Variants in CDCA8 observed in about 807,000 individuals in gnomAD.
The protein encoded by CDCA8 is cell division cycle associated 8.
In CDCA8, 25 loss-of-function variants were observed where a neutral mutation model predicts 40.0. That is an observed-to-expected ratio of 0.63 (90% confidence interval 0.46 to 0.87). The LOEUF (loss-of-function observed/expected upper bound fraction) is 0.87, where lower values mean the gene tolerates loss of function less well. Ranked by LOEUF, CDCA8 falls within the 40% of genes least tolerant of loss-of-function variation. The pLI, the probability that CDCA8 is intolerant of heterozygous loss-of-function variation, is 0.00. For missense variants in CDCA8, 280 were observed against 348.4 expected (o/e 0.80, Z 1.56); for synonymous variants, 111 against 126.5 (o/e 0.88, Z 0.82).
intron 2 of CDCA8, 133 bp downstream of exon 2, chr1:37,693,166 C>T (rs781652127): frequency 2.1e-6 from 1 of 471,304 alleles, no homozygotes; most frequent in Non-Finnish European, 3.4e-6. Context: ...AATTGCAGAC[C>T]CTTTCACTCT....
At position 37,703,547 on chromosome 1, in the gene CDCA8, G is replaced by A. The variant is rs114737630; in HGVS notation, c.584+200G>A. On this transcript the variant is annotated intron_variant, in intron 7 of 9. Coordinates refer to ENST00000373055, the MANE Select transcript of CDCA8 (RefSeq NM_001256875.2). The stretch of plus-strand genomic sequence containing the variant: ...CCTGGCCAAGATGATGAAACGCTGC[G>A]TCTACTAAAAATACAAAAATTAGTT... 5.9e-3 allele frequency among the ~76,000 whole-genome samples: 903 copies of A among 152,148 alleles called. 6 individuals carry two copies. The highest frequency in any genetic ancestry group is 0.02 in the African/African-American group (840 of 41,522).
chr1:37,704,325 C>T (rs1021296860), intron 7 of CDCA8, among the ~76,000 whole-genome samples: 3 of 152,114 alleles, frequency 2.0e-5, no homozygotes, highest in Non-Finnish European at 2.9e-5. Flanking sequence ...CTGGCATAAG[C>T]GAGGATATTC....
intron 5 of CDCA8, among the ~76,000 whole-genome samples, chr1:37,701,424 T>C (rs1373270996): frequency 6.6e-6 from 1 of 152,038 alleles, no homozygotes; most frequent in Non-Finnish European, 1.5e-5. Context: ...TTGCCTTTGA[T>C]TGGGCACCTG....
intron 6 of CDCA8, 44 bp downstream of exon 6, chr1:37,701,862 G>A (rs907634993): frequency 2.1e-6 from 3 of 1,438,486 alleles, no homozygotes; most frequent in Admixed American, 3.4e-5. Context: ...TTTTATTGGA[G>A]AGCCATATAT....
At chr1:37,693,964 C>G (rs1330397959) in intron 2 of CDCA8, among the ~76,000 whole-genome samples, 1 of 151,886 alleles carries the variant, frequency 6.6e-6, no homozygotes, top group African/African-American at 2.4e-5. Context: ...ATGGAGAAAC[C>G]CTGTCTCTAC....
chr1:37,694,688 C>T (rs934145961), intron 2 of CDCA8, among the ~76,000 whole-genome samples: 4 of 152,138 alleles, frequency 2.6e-5, no homozygotes, highest in African/African-American at 9.7e-5. Flanking sequence ...TTCAAAATGA[C>T]AAGATTAAGG....
chr1:37,695,574 T>C (rs1270820551), intron 2 of CDCA8, among the ~76,000 whole-genome samples: 1 of 151,954 alleles, frequency 6.6e-6, no homozygotes, highest in Non-Finnish European at 1.5e-5. Context: ...AGCAAGACTC[T>C]GTCTCAAAAA....
chr1:37,701,657 C>T (rs1342939255), intron 5 of CDCA8, 97 bp from the exon 6 acceptor site: 3 of 717,548 alleles, frequency 4.2e-6, no homozygotes, highest in Non-Finnish European at 7.0e-6. Flanking sequence ...CTATCCAAAG[C>T]TTGTTCTTAA....
intron 7 of CDCA8, 96 bp downstream of exon 7, chr1:37,703,443 C>G (rs997143993): frequency 3.4e-6 from 3 of 894,550 alleles, no homozygotes; most frequent in Non-Finnish European, 5.6e-6. Flanking sequence ...AGGCCAGGCA[C>G]GGTAGCTCAC....
intron 3 of CDCA8, 121 bp from the exon 4 acceptor site, chr1:37,698,784 T>C (rs1008955241): frequency 8.9e-6 from 6 of 674,352 alleles, no homozygotes; most frequent in African/African-American, 1.8e-5. Flanking sequence ...GTATATTGTA[T>C]CACTAACATT....
chr1:37,705,618 A>G (rs2148290684), intron 8 of CDCA8, 51 bp downstream of exon 8: 2 of 1,598,442 alleles, frequency 1.3e-6, no homozygotes, highest in Non-Finnish European at 1.7e-6. Context: ...TTAGTCAAGC[A>G]TTTCTTTTCC....
intron 2 of CDCA8, among the ~76,000 whole-genome samples, chr1:37,695,368 TAAAAAAAAAAAAAA>T (rs71690196): frequency 2.6e-5 from 2 of 76,474 alleles, no homozygotes; most frequent in Non-Finnish European, 4.7e-5. Context: ...CATCTCTACT[TAAAAAAAAAAAAAA>T]AAAAAAAAAA....
At position 37,695,916 on chromosome 1, in the gene CDCA8, G is replaced by A. The variant is rs768767817; in HGVS notation, c.230G>A (p.Gly77Glu). ...EMNWLDYFAL[G>E]GNKQALEEAA... ...TACAACGTTCTTTTTAAAGCCCTTGGAGGAAACAAACAGGCCCTGGAAGAG... is the reference window on the plus strand; with the variant it reads ...TACAACGTTCTTTTTAAAGCCCTTGAAGGAAACAAACAGGCCCTGGAAGAG... Residue 77 changes from glycine (G) to glutamate (E), a missense_variant, in exon 3 of 10, where the codon GGA becomes GAA. By Grantham distance (98) the Gly-to-Glu change is moderately conservative. Coordinates refer to ENST00000373055, the MANE Select transcript of CDCA8 (RefSeq NM_001256875.2). The A allele has an allele frequency of 1.9e-6, 3 of 1,613,898 alleles. No homozygotes were observed. The highest frequency in any genetic ancestry group is 2.5e-6 in the Non-Finnish European group (3 of 1,179,832).
intron 4 of CDCA8, among the ~76,000 whole-genome samples, chr1:37,699,843 C>G (rs1645551829): frequency 6.6e-6 from 1 of 152,018 alleles, no homozygotes; most frequent in Non-Finnish European, 1.5e-5. Context: ...TGGCGTGAAC[C>G]CGGGAGGTGG....
In CDCA8 at chr1:37,696,871, G is replaced by A. The variant is rs1052715786; in HGVS notation, c.264+921G>A. On this transcript the variant is annotated intron_variant, in intron 3 of 9. Coordinates refer to ENST00000373055, the MANE Select transcript of CDCA8 (RefSeq NM_001256875.2). The surrounding 1 kb of genome is among the most constrained non-coding windows in gnomAD (Gnocchi z 5.0). ...CCGCCAGCTTCATTCAGAAGGTAAAGGTAATGAGGAGCCAATTATCAATTT... is the reference window on the plus strand; with the variant it reads ...CCGCCAGCTTCATTCAGAAGGTAAAAGTAATGAGGAGCCAATTATCAATTT... Among the ~76,000 whole-genome samples the A allele has an allele frequency of 2.6e-5, 4 of 152,178 alleles. No individual in the cohort carries two copies. Among genetic ancestry groups the A allele is most frequent in the African/African-American group, 9.7e-5 (4 of 41,434 alleles).
chr1:37,705,637 T>G, intron 8 of CDCA8, 70 bp downstream of exon 8: 1 of 1,563,640 alleles, frequency 6.4e-7, no homozygotes, highest in Non-Finnish European at 8.7e-7. Flanking sequence ...CCCTGGGCCC[T>G]CACCCACGCT....
Position 37,696,633 on chromosome 1 carries a change from A to C in CDCA8, c.264+683A>C, listed in dbSNP as rs1226072282. Among the ~76,000 whole-genome samples, 2 of 152,262 alleles carry C rather than the reference A, an allele frequency of 1.3e-5. No individual in the cohort carries two copies. The highest frequency in any genetic ancestry group is 2.4e-5 in the African/African-American group (1 of 41,468). ...GAGACAGCATTGGGAACTAGTCCATACATGGGCTTCACAGAGTCCCTAGGC... is the reference window on the plus strand; with the variant it reads ...GAGACAGCATTGGGAACTAGTCCATCCATGGGCTTCACAGAGTCCCTAGGC... On this transcript the variant is annotated intron_variant, in intron 3 of 9. Transcript: ENST00000373055. This position sits in a 1 kb window ranked among gnomAD's most constrained non-coding sequence, Gnocchi z 5.0.
At chr1:37,702,112 C>T (rs1004682516) in intron 6 of CDCA8, among the ~76,000 whole-genome samples, 1 of 144,626 alleles carries the variant, frequency 6.9e-6, no homozygotes, top group South Asian at 2.2e-4. Flanking sequence ...GCAATCTTGG[C>T]TCACTGCAAC....
rs1645625433 is a variant in CDCA8, at chr1:37,709,559, A to G, written c.*1193A>G. On this transcript the variant is annotated 3_prime_UTR_variant, in exon 10 of 10. Coordinates refer to ENST00000373055, the MANE Select transcript of CDCA8 (RefSeq NM_001256875.2). ...ATTTTGCAACAAGACCATTTTAGTA[A>G]AACAGTCCTGTTCAAGTTGTATTCT... 6.6e-6 allele frequency: 1 copy of G among 152,146 alleles called. No homozygotes were observed. Among genetic ancestry groups the G allele is most frequent in the African/African-American group, 2.4e-5 (1 of 41,426 alleles). 9.4% of individuals were successfully genotyped at this position (152,146 alleles called of 1,614,324 possible).
Sources: allele counts gnomAD v4.1 joint callset (sites outside exome capture counted in the v4.1 genomes callset), GRCh38; gene constraint gnomAD v4.1.1; non-coding constraint Gnocchi (gnomAD v3.1); transcripts MANE v1.5; gene names NCBI Gene and HGNC (gene_info 2026-07-23, HGNC 2026-07-21).